NOS1AP: variants seen among roughly 807,000 people sequenced by gnomAD.
NOS1AP encodes nitric oxide synthase 1 adaptor protein.
In NOS1AP, 21 loss-of-function variants were observed where a neutral mutation model predicts 56.2. That is an observed-to-expected ratio of 0.37 (90% CI 0.26 to 0.54). The LOEUF (loss-of-function observed/expected upper bound fraction) is 0.54, where lower values mean the gene tolerates loss of function less well. NOS1AP is among the 20% of genes least tolerant of loss of function. The probability of loss-of-function intolerance (pLI) is 0.84; values close to 1 mark genes in which losing one functional copy is unlikely to be tolerated. For missense variants in NOS1AP, 522 were observed against 657.8 expected (o/e 0.79, Z 2.26); for synonymous variants, 270 against 274.6 (o/e 0.98, Z 0.17).
At chr1:162,196,436 C>T (rs1446245738) in intron 2 of NOS1AP, among the ~76,000 whole-genome samples, 3 of 152,260 alleles carry the variant, frequency 2.0e-5, no homozygotes, top group Middle Eastern at 3.4e-3. Flanking sequence ...CAGAGAACTC[C>T]GTATGTTGCG....
intron 1 of NOS1AP, among the ~76,000 whole-genome samples, chr1:162,132,932 C>T (rs1365613628): frequency 6.6e-6 from 1 of 152,210 alleles, no homozygotes; most frequent in South Asian, 2.1e-4. Flanking sequence ...TGCTCTGGCT[C>T]TTCTGTCAGA....
chr1:162,304,113 A>G (rs1265100815), intron 4 of NOS1AP, among the ~76,000 whole-genome samples: 3 of 152,160 alleles, frequency 2.0e-5, no homozygotes, highest in African/African-American at 7.2e-5. Context: ...GTTTATGTGT[A>G]TAATCCAAGT....
At chr1:162,203,605 A>G (rs12061249) in intron 2 of NOS1AP, among the ~76,000 whole-genome samples, 16,213 of 152,256 alleles carry the variant, frequency 0.11, 952 homozygotes, top group South Asian at 0.2. Flanking sequence ...ATTACCCACC[A>G]TGACTTTAGA....
chr1:162,173,823 G>T (rs1457273977), intron 2 of NOS1AP, among the ~76,000 whole-genome samples: 1 of 152,070 alleles, frequency 6.6e-6, no homozygotes, highest in Non-Finnish European at 1.5e-5. Flanking sequence ...AATGCTCACT[G>T]GCCATCAGAG....
intron 1 of NOS1AP, among the ~76,000 whole-genome samples, chr1:162,114,524 G>A (rs1267607443): frequency 6.6e-6 from 1 of 152,128 alleles, no homozygotes; most frequent in East Asian, 1.9e-4. Flanking sequence ...TACTTTCACA[G>A]CAATACCTTG....
rs551518606 is a variant in NOS1AP at position 162,107,774 on chromosome 1, A to G, written c.105+37492A>G. On this transcript the variant is annotated intron_variant, in intron 1 of 9. Transcript: ENST00000361897. The stretch of plus-strand genomic sequence containing the variant: ...ACTCAGCCAACTGGCTTTAAAACAC[A>G]GGGATTTGATTGTATATCCCTATCG... Among the ~76,000 whole-genome samples, 24 of 152,342 alleles carry G rather than the reference A, an allele frequency of 1.6e-4. No individual in the cohort carries two copies. In the East Asian group the frequency reaches 4.6e-3, roughly 29 times the overall value.
At chr1:162,267,756 T>C (rs1357835234) in intron 2 of NOS1AP, among the ~76,000 whole-genome samples, 1 of 152,064 alleles carries the variant, frequency 6.6e-6, no homozygotes, top group Non-Finnish European at 1.5e-5. Context: ...GAGCAAGACG[T>C]TGCCTCTGGA....
intron 2 of NOS1AP, among the ~76,000 whole-genome samples, chr1:162,248,923 C>T (rs990848337): frequency 6.6e-6 from 1 of 152,148 alleles, no homozygotes. Flanking sequence ...ACAGCACCCC[C>T]CCCTTTCCTT....
intron 2 of NOS1AP, among the ~76,000 whole-genome samples, chr1:162,176,908 G>A (rs1012567980): frequency 2.0e-5 from 3 of 152,188 alleles, no homozygotes; most frequent in African/African-American, 7.2e-5. Context: ...TACGAATAAA[G>A]CTGCTATAGC....
intron 2 of NOS1AP, among the ~76,000 whole-genome samples, chr1:162,176,252 A>T (rs189229302): frequency 5.5e-4 from 84 of 152,188 alleles, no homozygotes; most frequent in Non-Finnish European, 8.7e-4. Flanking sequence ...TTAATGTCCT[A>T]TACTTACATT....
At position 162,357,100 on chromosome 1, in the gene NOS1AP, G is replaced by A. The variant is rs878860672; in HGVS notation, c.903G>A (p.Gln301=). 1.3e-6 allele frequency: 2 copies of A among 1,535,876 alleles called. No homozygotes were observed. The highest frequency in any genetic ancestry group is 1.4e-5 in the African/African-American group (1 of 73,186). Residue 301 remains glutamine, a synonymous_variant, in exon 8 of 10, where the codon CAG becomes CAA. Coordinates refer to ENST00000361897, the MANE Select transcript of NOS1AP (RefSeq NM_014697.3). ...TGCAGCTCCTCCAGCAGCTCCTCCA[G>A]CAGCAGCAGCAGCAGACACAAGTGG... ...HQMQLLQQLL[Q]QQQQQTQVAV...
chr1:162,192,677 T>G (rs752417876), intron 2 of NOS1AP, among the ~76,000 whole-genome samples: 2 of 152,218 alleles, frequency 1.3e-5, no homozygotes, highest in Non-Finnish European at 2.9e-5. Flanking sequence ...CACTGGCCAA[T>G]CCCTTTGCTG....
chr1:162,369,225 A>G lies in NOS1AP; in HGVS notation c.*1758A>G, dbSNP rs1329082891. The G allele has an allele frequency of 6.6e-6, 1 of 152,258 alleles. No individual in the cohort carries two copies. The highest frequency in any genetic ancestry group is 1.9e-4 in the East Asian group (1 of 5,198). The allele number at this position is 152,258 out of a possible 1,614,324, so 9.4% of individuals were successfully genotyped here. Reference sequence around the variant, plus strand: ...AACAGATTTGTGTTTTCTAACATGCATTTAGTTGGAGAGGCATGGTTCTGT... The same window carrying G: ...AACAGATTTGTGTTTTCTAACATGCGTTTAGTTGGAGAGGCATGGTTCTGT... On this transcript the variant is annotated 3_prime_UTR_variant, in exon 10 of 10. Coordinates refer to ENST00000361897, the MANE Select transcript of NOS1AP (RefSeq NM_014697.3).
chr1:162,187,809 G>T (rs1651490654), intron 2 of NOS1AP, among the ~76,000 whole-genome samples: 1 of 152,196 alleles, frequency 6.6e-6, no homozygotes, highest in Non-Finnish European at 1.5e-5. Context: ...TCAGAGCCAT[G>T]AACATTTGCC....
At position 162,079,812 on chromosome 1, in the gene NOS1AP, T is replaced by G. The variant is rs535246273; in HGVS notation, c.105+9530T>G. 7.5e-4 allele frequency among the ~76,000 whole-genome samples: 115 copies of G among 152,366 alleles called. 1 individual carries two copies. Among genetic ancestry groups the G allele is most frequent in the Non-Finnish European group, 1.4e-3 (93 of 68,030 alleles). ...CTTTTATAAGTCAGAGGCCTAGTCA[T>G]GTATTATCTTCATTATACATGCCTG... On this transcript the variant is annotated intron_variant, in intron 1 of 9. Transcript: ENST00000361897.
intron 7 of NOS1AP, among the ~76,000 whole-genome samples, chr1:162,356,435 G>A: frequency 6.6e-6 from 1 of 152,144 alleles, no homozygotes; most frequent in Non-Finnish European, 1.5e-5. Flanking sequence ...TGGAGGGCAG[G>A]AGGTAGCCCC....
chr1:162,175,997 T>C (rs1651041757), intron 2 of NOS1AP, among the ~76,000 whole-genome samples: 1 of 152,186 alleles, frequency 6.6e-6, no homozygotes, highest in Non-Finnish European at 1.5e-5. Flanking sequence ...TTATGTACAG[T>C]TCTTTTTGCC....
chr1:162,142,312 A>T (rs907609550), intron 1 of NOS1AP, among the ~76,000 whole-genome samples: 1 of 152,186 alleles, frequency 6.6e-6, no homozygotes, highest in African/African-American at 2.4e-5. Context: ...TAAAGGAAAA[A>T]CATTCAGTCT....
chr1:162,092,704 G>C (rs940575678), intron 1 of NOS1AP, among the ~76,000 whole-genome samples: 1 of 152,174 alleles, frequency 6.6e-6, no homozygotes, highest in Admixed American at 6.5e-5. Context: ...CATGTGAAAA[G>C]ATGAACAAAC....
Sources: gnomAD v4.1 joint callset for allele counts (sites outside exome capture counted in the v4.1 genomes callset) on GRCh38, gnomAD v4.1.1 for gene constraint, MANE v1.5 for transcripts, NCBI Gene and HGNC (gene_info 2026-07-23, HGNC 2026-07-21) for gene names.